The following VCPKMT variants were observed in gnomAD, a reference collection of about 807,000 sequenced individuals.
The protein encoded by VCPKMT is valosin containing protein lysine methyltransferase.
In VCPKMT, 32 loss-of-function variants were observed where a neutral mutation model predicts 28.6. The ratio of observed to expected loss-of-function variants is 1.12; its 90% CI spans 0.84 to 1.50. The LOEUF is 1.50. Among genes scored for constraint, VCPKMT ranks in the 40% most tolerant of loss-of-function variants. The pLI is 0.00. For synonymous variants in VCPKMT, 138 were observed against 111.4 expected (o/e 1.24, Z -1.50); for missense variants, 366 against 285.0 (o/e 1.28, Z -2.05).
chr14:50,104,971 A>G (rs2139422544), downstream of VCPKMT, among the ~76,000 whole-genome samples: 1 of 152,322 alleles, frequency 6.6e-6, no homozygotes, highest in East Asian at 1.9e-4. Context: ...ATACAATTTT[A>G]CAAGAAAAAA....
intron 5 of VCPKMT, 77 bp downstream of exon 5, chr14:50,112,538 T>C (rs561554458): frequency 1.4e-5 from 12 of 829,410 alleles, no homozygotes; most frequent in East Asian, 3.3e-5. Context: ...TCAACGCCCA[T>C]ACCACACATA....
rs79249608 is a variant in VCPKMT, at chr14:50,114,046, T to G, written c.570+239A>C. On this transcript the variant is annotated intron_variant, in intron 4 of 5. Transcript: ENST00000395860. ...ACTGAAAACTGTTCTTAAAAAGGAGTGGCACCCGTATTAACATTCTTCTGT... is the reference window on the plus strand; with the variant it reads ...ACTGAAAACTGTTCTTAAAAAGGAGGGGCACCCGTATTAACATTCTTCTGT... 7.0e-3 allele frequency among the ~76,000 whole-genome samples: 1,070 copies of G among 152,136 alleles called. 16 individuals carry two copies. Among genetic ancestry groups the G allele is most frequent in the African/African-American group, 0.024 (1,010 of 41,498 alleles).
In VCPKMT at chr14:50,116,177, G is replaced by A; in HGVS notation, c.269C>T (p.Ala90Val). 6.2e-7 allele frequency: 1 copy of A among 1,614,062 alleles called. No homozygotes were observed. The highest frequency in any genetic ancestry group is 1.1e-5 in the South Asian group (1 of 91,082). ...AVGLMAATLG[A>V]DVVVTDLEEL... is the part of the protein sequence containing the mutation. ...CTCAAGATCGGTGACTACAACATCAGCCCTATAAAATAACGTCGACTGAGG... is the reference window on the plus strand; with the variant it reads ...CTCAAGATCGGTGACTACAACATCAACCCTATAAAATAACGTCGACTGAGG... The change falls in exon 2 of 6, where the codon GCT (alanine) becomes GTT (valine). Residue 90 changes from alanine (A) to valine (V), a missense_variant and splice_region_variant. Physicochemically the swap from Ala to Val is moderately conservative, Grantham distance 64. Coordinates refer to ENST00000395860, the MANE Select transcript of VCPKMT (RefSeq NM_024558.3).
chr14:50,115,821 C>G lies in VCPKMT; in HGVS notation c.450+18G>C, dbSNP rs200461839. 6.3e-6 allele frequency: 10 copies of G among 1,589,790 alleles called. No homozygotes were observed. ...GTTCATCTTCTAAGTGAAGAGACTT[C>G]GCTCACTGGATACTTACCTCTTCAT... On this transcript the variant is annotated intron_variant, in intron 3 of 5. Coordinates refer to ENST00000395860, the MANE Select transcript of VCPKMT (RefSeq NM_024558.3).
chr14:50,107,949 G>A (rs925032107), downstream of VCPKMT, among the ~76,000 whole-genome samples: 10 of 152,030 alleles, frequency 6.6e-5, no homozygotes, highest in Non-Finnish European at 8.8e-5. Context: ...AGCACTTTCC[G>A]GGGCTAAGGA....
rs1882472091 is a variant in VCPKMT at position 50,109,174 on chromosome 14, T to G, written c.*525A>C. 1.1e-6 allele frequency: 1 copy of G among 898,824 alleles called. No homozygotes were observed. Among genetic ancestry groups the G allele is most frequent in the Non-Finnish European group, 1.3e-6 (1 of 750,662 alleles). The allele number at this position is 898,824 out of a possible 1,614,324, so 55.7% of individuals were successfully genotyped here. On this transcript the variant is annotated 3_prime_UTR_variant, in exon 6 of 6. Coordinates refer to ENST00000395860, the MANE Select transcript of VCPKMT (RefSeq NM_024558.3). ...GTTCTTTTTAAAATTAAAAGAACAT[T>G]TCAGTATTAAAGATATTTTAAAAGA...
intron 5 of VCPKMT, chr14:50,111,322 C>T (rs1229137039): frequency 1.0e-6 from 1 of 985,270 alleles, no homozygotes; most frequent in African/African-American, 1.7e-5. Flanking sequence ...GTATCTGTGG[C>T]ACCATGCCAC....
At chr14:50,104,410 T>C (rs1049245509), downstream of VCPKMT, among the ~76,000 whole-genome samples, 1 of 152,238 alleles carries the variant, frequency 6.6e-6, no homozygotes, top group East Asian at 1.9e-4. Flanking sequence ...CCCAATATTA[T>C]GGAAAGTAAA....
rs1285608166 is a variant in VCPKMT at position 50,109,566 on chromosome 14, T to C, written c.*133A>G. The C allele has an allele frequency of 2.1e-6, 3 of 1,410,320 alleles. No homozygotes were observed. Among genetic ancestry groups the C allele is most frequent in the Non-Finnish European group, 9.2e-7 (1 of 1,086,370 alleles). The allele number at this position is 1,410,320 out of a possible 1,614,324, so 87.4% of individuals were successfully genotyped here. A position where few individuals can be genotyped will look rare whatever the true frequency, so the allele number is the denominator to read the frequency against. On this transcript the variant is annotated 3_prime_UTR_variant, in exon 6 of 6. Transcript: ENST00000395860. ...GACAGCCCCTGGTGGTCATCATCTA[T>C]ACATCGGATCTCTAAGGACGTGCCG...
chr14:50,116,023 A>C (rs1194590690), intron 2 of VCPKMT, 46 bp downstream of exon 2: 1 of 1,593,964 alleles, frequency 6.3e-7, no homozygotes, highest in Admixed American at 1.7e-5. Flanking sequence ...AATTCAAAAC[A>C]AACTACAAAT....
Position 50,116,380 on chromosome 14 carries a change from A to C in VCPKMT, c.173T>G (p.Phe58Cys), listed in dbSNP as rs1357218452. The C allele has an allele frequency of 1.2e-6, 2 of 1,613,786 alleles. No individual in the cohort carries two copies. The highest frequency in any genetic ancestry group is 1.7e-6 in the Non-Finnish European group (2 of 1,179,894). ...CAGCGCGTGGGCCCCGTCGCCAGAA[A>C]ACTCGGGCGTTTCCAGGTATTTAGA... ...VLSKYLETPE[F>C]SGDGAHALSR... is the part of the protein sequence containing the mutation. The change falls in exon 1 of 6, where the codon TTT becomes TGT. Residue 58 changes from phenylalanine to cysteine, a missense_variant. Coordinates refer to ENST00000395860, the MANE Select transcript of VCPKMT (RefSeq NM_024558.3).
chr14:50,109,685 G>A lies in VCPKMT; in HGVS notation c.*14C>T. Reference sequence around the variant, plus strand: ...CCCAGGTTGTTAGAGCCTTGGGTAAGATGATTAAAGGCTTCACGATGGAAA... The same window carrying A: ...CCCAGGTTGTTAGAGCCTTGGGTAAAATGATTAAAGGCTTCACGATGGAAA... On this transcript the variant is annotated 3_prime_UTR_variant, in exon 6 of 6. Transcript: ENST00000395860. The A allele has an allele frequency of 6.2e-7, 1 of 1,601,172 alleles. No individual in the cohort carries two copies. Among genetic ancestry groups the A allele is most frequent in the South Asian group, 1.1e-5 (1 of 88,690 alleles).
Position 50,116,287 on chromosome 14 carries a change from C to A in VCPKMT, c.266G>T (p.Gly89Val). 6 of 1,605,754 alleles carry A rather than the reference C, an allele frequency of 3.7e-6. No homozygotes were observed. The highest frequency in any genetic ancestry group is 5.1e-6 in the Non-Finnish European group (6 of 1,176,340). The change falls in exon 1 of 6, where the codon GGG (glycine) becomes GTG (valine). Residue 89 changes from glycine to valine, a missense_variant and splice_region_variant. Transcript: ENST00000395860. The part of the protein sequence containing the change: ...GAVGLMAATL[G>V]ADVVVTDLEE... ...ATCCCGCCCGCCCGCCAGCTCTTAC[C>A]CGAGGGTAGCAGCCATGAGCCCCAC...
Sources: allele counts gnomAD v4.1 joint callset (sites outside exome capture counted in the v4.1 genomes callset), GRCh38; gene constraint gnomAD v4.1.1; transcripts MANE v1.5; gene names NCBI Gene and HGNC (gene_info 2026-07-23, HGNC 2026-07-21).